The following CHD1 variants were observed in gnomAD, a reference collection of about 807,000 sequenced individuals.
CHD1 encodes the protein chromodomain helicase DNA binding protein 1.
Under a neutral mutation model 224.2 loss-of-function variants are expected in CHD1, and 36 were observed. That is an observed-to-expected ratio of 0.16 (90% confidence interval 0.12 to 0.21). The LOEUF is 0.21. Among genes scored for constraint, CHD1 ranks in the 10% least tolerant of loss-of-function variants. The pLI is 1.00. For missense variants in CHD1, 1,378 were observed against 1,994.8 expected (o/e 0.69, Z 5.89); for synonymous variants, 668 against 658.3 (o/e 1.01, Z -0.23).
intron 29 of CHD1, 82 bp downstream of exon 29, chr5:98,870,605 T>TA: frequency 1.5e-6 from 1 of 665,610 alleles, no homozygotes; most frequent in Non-Finnish European, 2.6e-6. Flanking sequence ...CATATTGACT[T>TA]CAGATGTTTA....
chr5:98,858,779 AG>A (rs1342282635), intron 34 of CHD1, 184 bp downstream of exon 34: 4 of 450,844 alleles, frequency 8.9e-6, no homozygotes. Flanking sequence ...AATGAACTAC[AG>A]TTTAAGAGAA....
rs1265801099 is a variant in CHD1 at position 98,911,147 on chromosome 5, ATAT to A, written c.54-6052_54-6050del. 5.7e-3 allele frequency among the ~76,000 whole-genome samples: 270 copies of A among 47,710 alleles called. 4 individuals carry two copies. Among genetic ancestry groups the A allele is most frequent in the African/African-American group, 0.025 (231 of 9,160 alleles). 31.3% of individuals were successfully genotyped at this position (47,710 alleles called of 152,430 possible). On this transcript the variant is annotated intron_variant, in intron 2 of 35. Coordinates refer to ENST00000614616, the MANE Select transcript of CHD1 (RefSeq NM_001270.4). The stretch of plus-strand genomic sequence containing the variant: ...GCTAAAATGAAAAAAAAAAAAAAAA[ATAT>A]ATATATATATATATATATATATATA...
At chr5:98,918,182 C>T (rs772866095) in intron 2 of CHD1, among the ~76,000 whole-genome samples, 9 of 151,846 alleles carry the variant, frequency 5.9e-5, no homozygotes, top group South Asian at 2.1e-4. Context: ...CTCAGCCTCC[C>T]GAGTAGCTGG....
chr5:98,890,444 T>C (rs1439371318), intron 15 of CHD1, among the ~76,000 whole-genome samples: 1 of 152,188 alleles, frequency 6.6e-6, no homozygotes, highest in Non-Finnish European at 1.5e-5. Context: ...AAATTTATTA[T>C]TAATTTCTCT....
intron 2 of CHD1, among the ~76,000 whole-genome samples, chr5:98,922,337 T>C (rs1424588658): frequency 6.6e-6 from 1 of 152,214 alleles, no homozygotes. Flanking sequence ...GTTATACAGG[T>C]GCATCCTGGC....
intron 1 of CHD1, among the ~76,000 whole-genome samples, chr5:98,928,274 G>C (rs1017545832): frequency 3.3e-5 from 5 of 151,930 alleles, no homozygotes; most frequent in African/African-American, 9.7e-5. Context: ...GTCTCCTCTC[G>C]CGGCCCGGTC....
At position 98,928,745 on chromosome 5, in the gene CHD1, C is replaced by T. The variant is rs1753682828; in HGVS notation, c.-355G>A. 6.5e-6 allele frequency: 1 copy of T among 154,126 alleles called. No individual in the cohort carries two copies. The highest frequency in any genetic ancestry group is 1.5e-5 in the Non-Finnish European group (1 of 68,730). 9.5% of individuals were successfully genotyped at this position (154,126 alleles called of 1,614,324 possible). Reference sequence around the variant, plus strand: ...ACGCGCGATCCCCTGCGGAGTGGAGCTAACAATTCATTATTGAAGCACCAA... The same window carrying T: ...ACGCGCGATCCCCTGCGGAGTGGAGTTAACAATTCATTATTGAAGCACCAA... On this transcript the variant is annotated 5_prime_UTR_variant, in exon 1 of 36. The change abolishes the stop of an existing upstream ORF in the 5' untranslated region. Coordinates refer to ENST00000614616, the MANE Select transcript of CHD1 (RefSeq NM_001270.4).
At chr5:98,909,758 T>C (rs1347758254) in intron 2 of CHD1, among the ~76,000 whole-genome samples, 1 of 152,178 alleles carries the variant, frequency 6.6e-6, no homozygotes, top group Non-Finnish European at 1.5e-5. Context: ...AGTAGACCAA[T>C]AATTTTTTAA....
chr5:98,863,869 T>C (rs184889766), intron 31 of CHD1, among the ~76,000 whole-genome samples: 1 of 152,328 alleles, frequency 6.6e-6, no homozygotes, highest in Non-Finnish European at 1.5e-5. Context: ...ATTTTTTATA[T>C]TGTAGCACAC....
At chr5:98,909,521 G>C (rs1580496394) in intron 2 of CHD1, among the ~76,000 whole-genome samples, 1 of 152,014 alleles carries the variant, frequency 6.6e-6, no homozygotes, top group Non-Finnish European at 1.5e-5. Context: ...AGCATTTTTA[G>C]CAGCCACTGA....
At position 98,873,664 on chromosome 5, in the gene CHD1, C is replaced by T. The variant is rs1034535287; in HGVS notation, c.3500G>A (p.Arg1167Gln). The change falls in exon 26 of 36, where the codon CGA (arginine) becomes CAA (glutamine). Residue 1167 changes from arginine (R) to glutamine (Q), a missense_variant. Arg to Gln is a conservative substitution (Grantham distance 43, BLOSUM62 1). Around this residue, in one of 16 missense-constraint regions of CHD1, gnomAD observed 286 missense variants for 445.1 expected, o/e 0.64. Coordinates refer to ENST00000614616, the MANE Select transcript of CHD1 (RefSeq NM_001270.4). ...ACCATTATGTACCAATTCTCCCAGTCGTCTAAGGTCTGTTTCTGACTTATC... is the reference window on the plus strand; with the variant it reads ...ACCATTATGTACCAATTCTCCCAGTTGTCTAAGGTCTGTTTCTGACTTATC... Reference protein sequence around the residue: ...LVDKSETDLRRLGELVHNGCI... With the variant: ...LVDKSETDLRQLGELVHNGCI... 10 of 1,610,236 alleles carry T rather than the reference C, an allele frequency of 6.2e-6. No individual in the cohort carries two copies. Among genetic ancestry groups the T allele is most frequent in the Admixed American group, 3.4e-5 (2 of 59,256 alleles).
intron 4 of CHD1, 93 bp from the exon 5 acceptor site, chr5:98,903,057 T>C (rs1245712113): frequency 4.7e-6 from 3 of 638,998 alleles, no homozygotes; most frequent in East Asian, 6.1e-5. Flanking sequence ...ACATTCACTT[T>C]ACAAATAACA....
chr5:98,904,957 C>A lies in CHD1; in HGVS notation c.195G>T (p.Glu65Asp). The A allele has an allele frequency of 6.2e-7, 1 of 1,612,890 alleles. No homozygotes were observed. Among genetic ancestry groups the A allele is most frequent in the South Asian group, 1.1e-5 (1 of 91,064 alleles). Residue 65 changes from glutamate (E) to aspartate (D), a missense_variant, in exon 3 of 36, where the codon GAG becomes GAT. Coordinates refer to ENST00000614616, the MANE Select transcript of CHD1 (RefSeq NM_001270.4). ...CTTTGTTTTCTCGGGAAGTGTCTGA[C>A]TCAGACTCTGACTGACTGCCTGATT... ...GSESGSQSES[E>D]SDTSRENKVQ... is the part of the protein sequence containing the mutation.
intron 9 of CHD1, 27 bp from the exon 10 acceptor site, chr5:98,898,461 T>C (rs1365300469): frequency 2.0e-6 from 3 of 1,486,504 alleles, no homozygotes; most frequent in East Asian, 4.9e-5. Flanking sequence ...CATTTACTTA[T>C]TTATTTATTT....
At chr5:98,857,418 C>T (rs1222468547) in intron 35 of CHD1, among the ~76,000 whole-genome samples, 1 of 152,004 alleles carries the variant, frequency 6.6e-6, no homozygotes, top group Middle Eastern at 3.2e-3. Flanking sequence ...TTATTTGACC[C>T]CTTCAAATAA....
At chr5:98,857,514 CTTCT>C in intron 35 of CHD1, among the ~76,000 whole-genome samples, 2 of 152,000 alleles carry the variant, frequency 1.3e-5, no homozygotes, top group Non-Finnish European at 2.9e-5. Context: ...ACAAAGATGT[CTTCT>C]AATTTGTTTC....
chr5:98,872,609 C>T, intron 26 of CHD1, 54 bp from the exon 27 acceptor site: 1 of 1,443,060 alleles, frequency 6.9e-7, no homozygotes, highest in Non-Finnish European at 9.7e-7. Flanking sequence ...CATAATTCTA[C>T]AAAACACCAA....
Position 98,858,346 on chromosome 5 carries a change from T to C in CHD1, c.4621A>G (p.Arg1541Gly). ...TGTCTATCAGAGGAATAACTGTCCC[T>C]GCTGCTATCATCGTGATTTGTATTC... ...KENTNHDDSS[R>G]DSYSSDRHLT... Residue 1541 changes from arginine (R) to glycine (G), a missense_variant, in exon 35 of 36, where the codon AGG (arginine) becomes GGG (glycine). By Grantham distance (125) the Arg-to-Gly change is moderately radical. Coordinates refer to ENST00000614616, the MANE Select transcript of CHD1 (RefSeq NM_001270.4). The C allele has an allele frequency of 6.2e-7, 1 of 1,613,078 alleles. No individual in the cohort carries two copies. Among genetic ancestry groups the C allele is most frequent in the Non-Finnish European group, 8.5e-7 (1 of 1,179,226 alleles).
chr5:98,874,585 G>A (rs911392071), intron 25 of CHD1, among the ~76,000 whole-genome samples: 4 of 147,682 alleles, frequency 2.7e-5, no homozygotes, highest in East Asian at 2.0e-4. Flanking sequence ...GGTGGCATGC[G>A]CCTGTAGTCC....
Sources: gnomAD v4.1 joint callset for allele counts (sites outside exome capture counted in the v4.1 genomes callset) on GRCh38, gnomAD v4.1.1 for gene constraint, gnomAD v4.1.1 regional missense constraint, MANE v1.5 for transcripts, NCBI Gene and HGNC (gene_info 2026-07-23, HGNC 2026-07-21) for gene names.